RCAN2: variants seen among roughly 807,000 people sequenced by gnomAD.
RCAN2 encodes regulator of calcineurin 2, also known as calcipressin-2.
A neutral mutation model predicts 23.6 loss-of-function variants in RCAN2; 9 were observed. The ratio of observed to expected loss-of-function variants is 0.38; its 90% CI spans 0.23 to 0.67. The LOEUF (loss-of-function observed/expected upper bound fraction) is 0.67. RCAN2 is among the 30% of genes least tolerant of loss of function. The pLI is 0.51. For synonymous variants in RCAN2, 109 were observed against 115.7 expected, an observed-to-expected ratio of 0.94 and a Z score of 0.37; for missense variants, 273 against 302.3, an observed-to-expected ratio of 0.90 and a Z score of 0.72.
rs10708319 is a variant in RCAN2, at chr6:46,404,221, C to CA, written c.225+52530dup. Among the ~76,000 whole-genome samples the CA allele has an allele frequency of 5.3e-4, 78 of 147,758 alleles. 1 individual carries two copies. The South Asian group carries it at 8.5e-3, about 16-fold the overall frequency. On this transcript the variant is annotated intron_variant, in intron 2 of 4. Coordinates refer to ENST00000371374, the MANE Select transcript of RCAN2 (RefSeq NM_001251974.2). ...TGGGCAACAGAGTAAGACTCTGTCT[C>CA]AAAAAAAAAAAGAGGTGATTTTGGA... is the stretch of plus-strand genomic sequence containing the variant.
At position 46,456,922 on chromosome 6, in the gene RCAN2, C is replaced by T. The variant is rs530600829; in HGVS notation, c.55G>A (p.Val19Ile). The change falls in exon 2 of 5, where the codon GTC becomes ATC. Residue 19 changes from valine (V) to isoleucine (I), a missense_variant. By Grantham distance (29) the Val-to-Ile change is conservative (BLOSUM62 3). Transcript: ENST00000371374. ...AAGAAAAGTCCTCCATCTTCAGGGA[C>T]GTGTCCCTGCTGCCCTGGGCTCCTC... ...GMRSPGQQGH[V>I]PEDGGLFLLC... The T allele has an allele frequency of 1.1e-4, 177 of 1,550,824 alleles. 1 individual carries two copies. The African/African-American group carries it at 1.8e-3, about 16-fold the overall frequency.
At chr6:46,440,773 A>C (rs1767516943) in intron 2 of RCAN2, among the ~76,000 whole-genome samples, 1 of 152,170 alleles carries the variant, frequency 6.6e-6, no homozygotes. Context: ...AAAAAATACC[A>C]GTTCCCCAGA....
At chr6:46,310,150 A>G (rs1246879771) in intron 2 of RCAN2, among the ~76,000 whole-genome samples, 2 of 148,962 alleles carry the variant, frequency 1.3e-5, no homozygotes, top group Non-Finnish European at 2.9e-5. Flanking sequence ...TTCACTAAGT[A>G]GAAAAGACCT....
At chr6:46,286,345 T>G (rs886103369) in intron 2 of RCAN2, among the ~76,000 whole-genome samples, 4 of 152,212 alleles carry the variant, frequency 2.6e-5, no homozygotes, top group African/African-American at 9.6e-5. Context: ...ATTTGCAAAT[T>G]GTTCTTTGCT....
At chr6:46,298,722 C>A (rs751587201) in intron 2 of RCAN2, among the ~76,000 whole-genome samples, 1 of 152,028 alleles carries the variant, frequency 6.6e-6, no homozygotes, top group Non-Finnish European at 1.5e-5. Flanking sequence ...GAACTTAAAA[C>A]AGAACTACTA....
intron 2 of RCAN2, among the ~76,000 whole-genome samples, chr6:46,256,765 A>G (rs777908698): frequency 9.9e-5 from 15 of 152,266 alleles, no homozygotes; most frequent in Non-Finnish European, 1.8e-4. Flanking sequence ...ATAAAGTAAA[A>G]TGGAAAACGA....
intron 2 of RCAN2, among the ~76,000 whole-genome samples, chr6:46,451,879 G>C (rs1767893337): frequency 6.6e-6 from 1 of 152,132 alleles, no homozygotes; most frequent in Admixed American, 6.6e-5. Flanking sequence ...TTAATGGTTG[G>C]CAGAATTACC....
upstream of RCAN2, among the ~76,000 whole-genome samples, chr6:46,491,658 A>C (rs12214172): frequency 0.42 from 62,764 of 150,684 alleles, 15,882 homozygotes; most frequent in Non-Finnish European, 0.57. Flanking sequence ...TCAGCCCCGC[A>C]CCCCCTCCTT....
At chr6:46,355,550 C>T (rs2150380470) in intron 2 of RCAN2, among the ~76,000 whole-genome samples, 1 of 152,350 alleles carries the variant, frequency 6.6e-6, no homozygotes, top group East Asian at 1.9e-4. Context: ...CCCAGACCCA[C>T]TCAGCTCAGA....
chr6:46,266,935 C>T (rs1229546625), intron 2 of RCAN2, among the ~76,000 whole-genome samples: 1 of 58,758 alleles, frequency 1.7e-5, no homozygotes, highest in African/African-American at 5.5e-5. Context: ...AGAGACATTC[C>T]ACCGACATTT....
rs535158758 is a variant in RCAN2, at chr6:46,477,241, C to T, written c.-3+13932G>A. The stretch of plus-strand genomic sequence containing the variant: ...GTTGGTTTCTAACAGCTTATTTACC[C>T]GACATAAAAAGTGAAAAACAGAAAA... On this transcript the variant is annotated intron_variant, in intron 1 of 4. Coordinates refer to ENST00000371374, the MANE Select transcript of RCAN2 (RefSeq NM_001251974.2). 2.7e-4 allele frequency among the ~76,000 whole-genome samples: 41 copies of T among 152,058 alleles called. No individual in the cohort carries two copies. In the South Asian group the frequency reaches 3.5e-3, roughly 13 times the overall value.
At chr6:46,261,471 T>C (rs1016519796) in intron 2 of RCAN2, among the ~76,000 whole-genome samples, 1 of 152,198 alleles carries the variant, frequency 6.6e-6, no homozygotes, top group African/African-American at 2.4e-5. Flanking sequence ...CTTTAAAAGG[T>C]TGCTGAGCAC....
intron 2 of RCAN2, chr6:46,438,513 G>C (rs1767436227): frequency 6.6e-6 from 1 of 152,402 alleles, no homozygotes; most frequent in Admixed American, 6.5e-5. Context: ...AGTACTGCCA[G>C]GTTCACCAAG....
chr6:46,356,621 G>A lies in RCAN2; in HGVS notation c.225+100131C>T, dbSNP rs181653185. ...GATGGATGTGAACGTGCACAGGTTC[G>A]TGCCTCAGGTGGGCTGGAAAAGCCC... On this transcript the variant is annotated intron_variant, in intron 2 of 4. Coordinates refer to ENST00000371374, the MANE Select transcript of RCAN2 (RefSeq NM_001251974.2). 2.9e-4 allele frequency among the ~76,000 whole-genome samples: 44 copies of A among 152,286 alleles called. No individual in the cohort carries two copies. The East Asian group carries it at 6.6e-3, about 23-fold the overall frequency.
intron 4 of RCAN2, among the ~76,000 whole-genome samples, chr6:46,239,155 C>T (rs1164973209): frequency 1.3e-5 from 2 of 152,146 alleles, no homozygotes; most frequent in African/African-American, 4.8e-5. Flanking sequence ...TGTTGGATCT[C>T]CATTTACAGC....
At chr6:46,240,837 A>C (rs901019307) in intron 4 of RCAN2, among the ~76,000 whole-genome samples, 1 of 152,166 alleles carries the variant, frequency 6.6e-6, no homozygotes. Context: ...ACACCAGCAA[A>C]ATTGCCTTAC....
intron 2 of RCAN2, among the ~76,000 whole-genome samples, chr6:46,356,766 G>A (rs914704004): frequency 1.3e-5 from 2 of 152,134 alleles, no homozygotes; most frequent in Non-Finnish European, 1.5e-5. Flanking sequence ...TCTAACTCAG[G>A]GCCTGTATGC....
At chr6:46,229,263 T>C (rs1765788403) in intron 4 of RCAN2, among the ~76,000 whole-genome samples, 1 of 152,180 alleles carries the variant, frequency 6.6e-6, no homozygotes, top group South Asian at 2.1e-4. Context: ...GTTGCTCTTC[T>C]CATGGAGTAT....
intron 2 of RCAN2, among the ~76,000 whole-genome samples, chr6:46,317,941 GGGCTA>G (rs1763493690): frequency 6.6e-6 from 1 of 152,124 alleles, no homozygotes; most frequent in Non-Finnish European, 1.5e-5. Context: ...TAGATGCCTT[GGGCTA>G]TAATGGGGAT....
Sources: gnomAD v4.1 joint callset for allele counts (sites outside exome capture counted in the v4.1 genomes callset) on GRCh38, gnomAD v4.1.1 for gene constraint, MANE v1.5 for transcripts, NCBI Gene and HGNC (gene_info 2026-07-23, HGNC 2026-07-21) for gene names.